Variants in TIAM1 observed in about 807,000 individuals in gnomAD.
TIAM1 encodes rho guanine nucleotide exchange factor TIAM1.
Under a neutral mutation model 163.5 loss-of-function variants are expected in TIAM1, and 65 were observed. The ratio of observed to expected loss-of-function variants is 0.40; its 90% CI spans 0.33 to 0.49. The LOEUF (loss-of-function observed/expected upper bound fraction) is 0.49. Ranked by LOEUF, TIAM1 falls within the 20% of genes least tolerant of loss-of-function variation. The pLI is 0.77. For synonymous variants in TIAM1, 833 were observed against 810.1 expected, an observed-to-expected ratio of 1.03 and a Z score of -0.48; for missense variants, 1,789 against 2,044.7, an observed-to-expected ratio of 0.87 and a Z score of 2.41.
At chr21:31,311,874 C>T (rs964555240) in intron 2 of TIAM1, among the ~76,000 whole-genome samples, 2 of 152,278 alleles carry the variant, frequency 1.3e-5, no homozygotes, top group East Asian at 3.9e-4. Context: ...TCTGGGTGGG[C>T]ATCATCTAAT....
intron 10 of TIAM1, 67 bp from the exon 11 acceptor site, chr21:31,210,282 T>C: frequency 6.5e-7 from 1 of 1,535,538 alleles, no homozygotes; most frequent in Non-Finnish European, 8.9e-7. Flanking sequence ...ATTCCCAGAC[T>C]GCACACAGGA....
At chr21:31,174,052 G>C (rs1330139613) in intron 15 of TIAM1, among the ~76,000 whole-genome samples, 3 of 152,198 alleles carry the variant, frequency 2.0e-5, no homozygotes, top group African/African-American at 7.2e-5. Context: ...ACCATGTGCT[G>C]CCGGGTATCT....
chr21:31,504,705 T>C (rs1308802788), intron 1 of TIAM1, among the ~76,000 whole-genome samples: 1 of 152,178 alleles, frequency 6.6e-6, no homozygotes, highest in Non-Finnish European at 1.5e-5. Context: ...AGAACTCAGT[T>C]TGGTTTTTTC....
chr21:31,155,720 G>A (rs2083591095), intron 16 of TIAM1, among the ~76,000 whole-genome samples: 1 of 152,022 alleles, frequency 6.6e-6, no homozygotes, highest in South Asian at 2.1e-4. Flanking sequence ...TGGCCAGGAT[G>A]GTCTCAATCT....
intron 1 of TIAM1, among the ~76,000 whole-genome samples, chr21:31,341,508 T>C (rs1192333613): frequency 6.6e-6 from 1 of 152,210 alleles, no homozygotes; most frequent in East Asian, 1.9e-4. Context: ...TAAATCTGTA[T>C]TGTCAAGTGG....
chr21:31,427,523 A>T (rs1471775451), intron 2 of TIAM1, among the ~76,000 whole-genome samples: 5 of 152,030 alleles, frequency 3.3e-5, no homozygotes, highest in African/African-American at 1.2e-4. Flanking sequence ...ATTTTAAAAA[A>T]GATTAAAGAT....
intron 2 of TIAM1, among the ~76,000 whole-genome samples, chr21:31,363,770 G>C (rs767794804): frequency 6.6e-6 from 1 of 152,118 alleles, no homozygotes; most frequent in African/African-American, 2.4e-5. Context: ...CTAGCATCCA[G>C]ATTACAATCT....
chr21:31,304,610 A>G (rs2074624948), intron 2 of TIAM1, among the ~76,000 whole-genome samples: 1 of 152,228 alleles, frequency 6.6e-6, no homozygotes, highest in Non-Finnish European at 1.5e-5. Context: ...TGAAAATTCA[A>G]TAAGACAAAA....
chr21:31,535,676 C>T (rs1433194127), intron 1 of TIAM1, among the ~76,000 whole-genome samples: 2 of 152,102 alleles, frequency 1.3e-5, no homozygotes, highest in African/African-American at 2.4e-5. Flanking sequence ...TCTTTTCCTC[C>T]TTCCCATTGC....
chr21:31,470,464 G>A (rs1050262000), intron 1 of TIAM1, among the ~76,000 whole-genome samples: 9 of 152,076 alleles, frequency 5.9e-5, no homozygotes, highest in African/African-American at 2.2e-4. Context: ...CTCCCAAGTA[G>A]CTGAGATTAC....
intron 22 of TIAM1, among the ~76,000 whole-genome samples, chr21:31,138,004 T>C (rs1415318562): frequency 6.6e-6 from 1 of 151,492 alleles, no homozygotes; most frequent in Non-Finnish European, 1.5e-5. Context: ...CCAGGGCAAG[T>C]GGACTAGGGG....
intron 4 of TIAM1, among the ~76,000 whole-genome samples, chr21:31,253,185 A>G (rs2071910725): frequency 6.6e-6 from 1 of 152,246 alleles, no homozygotes; most frequent in Non-Finnish European, 1.5e-5. Flanking sequence ...TTGGACAGAC[A>G]GCTCAAAGTC....
chr21:31,528,987 T>C (rs572694929), intron 1 of TIAM1, among the ~76,000 whole-genome samples: 1 of 148,932 alleles, frequency 6.7e-6, no homozygotes, highest in African/African-American at 2.5e-5. Context: ...AGTGGCGCGA[T>C]CTCAGCTCAC....
intron 6 of TIAM1, among the ~76,000 whole-genome samples, chr21:31,232,464 C>A (rs1242326333): frequency 6.6e-6 from 1 of 152,142 alleles, no homozygotes; most frequent in Admixed American, 6.5e-5. Flanking sequence ...CAGTGGCACA[C>A]AGGGAGCTAT....
At chr21:31,298,189 C>T (rs2146945422) in intron 2 of TIAM1, among the ~76,000 whole-genome samples, 1 of 152,234 alleles carries the variant, frequency 6.6e-6, no homozygotes, top group East Asian at 1.9e-4. Flanking sequence ...CTTCACTCCG[C>T]CACCCTGCCT....
chr21:31,156,152 G>A (rs1601331362), intron 16 of TIAM1, among the ~76,000 whole-genome samples: 1 of 152,220 alleles, frequency 6.6e-6, no homozygotes, highest in East Asian at 1.9e-4. Context: ...GATGAGGCAA[G>A]GACAGGGAAA....
intron 16 of TIAM1, among the ~76,000 whole-genome samples, chr21:31,161,262 G>T (rs752505105): frequency 2.6e-5 from 4 of 152,164 alleles, no homozygotes; most frequent in African/African-American, 4.8e-5. Context: ...TGGAATGCAT[G>T]ACACATGACC....
chr21:31,367,319 T>C (rs1019288799), intron 2 of TIAM1, among the ~76,000 whole-genome samples: 3 of 152,138 alleles, frequency 2.0e-5, no homozygotes, highest in Non-Finnish European at 4.4e-5. Context: ...TTTCTCTAGG[T>C]AGGTCTGTCA....
At chr21:31,285,626 A>C (rs1480649078) in intron 2 of TIAM1, among the ~76,000 whole-genome samples, 1 of 152,184 alleles carries the variant, frequency 6.6e-6, no homozygotes, top group Non-Finnish European at 1.5e-5. Context: ...TTGGGGGGCC[A>C]AGGTGGGTGG....
Sources: gnomAD v4.1 joint callset for allele counts (sites outside exome capture counted in the v4.1 genomes callset) on GRCh38, gnomAD v4.1.1 for gene constraint, MANE v1.5 for transcripts, NCBI Gene and HGNC (gene_info 2026-07-23, HGNC 2026-07-21) for gene names.